The following ADGRL3 variants were observed in gnomAD, a reference collection of about 807,000 sequenced individuals.
ADGRL3 encodes calcium-independent alpha-latrotoxin receptor 3.
ADGRL3 carries 62 observed loss-of-function variants against 153.5 expected under a neutral mutation model. The ratio of observed to expected loss-of-function variants is 0.40; its 90% CI spans 0.33 to 0.50. The LOEUF is 0.50. Among genes scored for constraint, ADGRL3 ranks in the 20% least tolerant of loss-of-function variants. ADGRL3 has a pLI of 0.47. For missense variants in ADGRL3, 1,641 were observed against 1,859.4 expected (o/e 0.88, Z 2.16); for synonymous variants, 710 against 672.5 (o/e 1.06, Z -0.86).
At chr4:61,783,526 T>C (rs1046757237) in intron 8 of ADGRL3, among the ~76,000 whole-genome samples, 1 of 152,070 alleles carries the variant, frequency 6.6e-6, no homozygotes, top group Non-Finnish European at 1.5e-5. Context: ...ATATAAAGCC[T>C]CTCAATGAAG....
chr4:62,060,116 G>A (rs1290168606), intron 25 of ADGRL3, among the ~76,000 whole-genome samples: 3 of 151,862 alleles, frequency 2.0e-5, no homozygotes, highest in African/African-American at 7.3e-5. Flanking sequence ...CCAGAAAGTT[G>A]AGTCATCTGC....
intron 8 of ADGRL3, among the ~76,000 whole-genome samples, chr4:61,792,402 T>C (rs2152438634): frequency 6.6e-6 from 1 of 152,262 alleles, no homozygotes; most frequent in East Asian, 1.9e-4. Flanking sequence ...ACCTTATTCA[T>C]ATCACTATCA....
rs976147495 is a variant in ADGRL3, at chr4:61,417,382, A to C, written c.-174+34193A>C. On this transcript the variant is annotated intron_variant, in intron 2 of 26. Coordinates refer to ENST00000683033, the MANE Select transcript of ADGRL3 (RefSeq NM_001387552.1). ...GTATCTGTGGTCCTTGCTACTTGCA[A>C]CGCTGAGGTGGGAGGATCACTCTTG... Among the ~76,000 whole-genome samples, 4 of 151,958 alleles carry C rather than the reference A, an allele frequency of 2.6e-5. No homozygotes were observed. In the South Asian group the frequency reaches 8.3e-4, roughly 32 times the overall value.
chr4:61,743,461 G>T (rs796433986), intron 8 of ADGRL3, among the ~76,000 whole-genome samples: 2 of 151,930 alleles, frequency 1.3e-5, no homozygotes, highest in African/African-American at 4.8e-5. Flanking sequence ...TTTTTTAAGT[G>T]AGAATGTCTT....
At chr4:61,292,037 A>G (rs566961158) in intron 1 of ADGRL3, among the ~76,000 whole-genome samples, 74 of 151,446 alleles carry the variant, frequency 4.9e-4, no homozygotes, top group Non-Finnish European at 7.8e-4. Context: ...AAAATATTCC[A>G]CATATTATGG....
intron 11 of ADGRL3, chr4:61,906,535 A>G (rs1407208206): frequency 2.0e-5 from 3 of 152,126 alleles, no homozygotes; most frequent in Non-Finnish European, 2.9e-5. Flanking sequence ...TTCTCTTTGT[A>G]TATCTGTGGG....
chr4:61,459,175 T>A (rs1408871044), intron 2 of ADGRL3, among the ~76,000 whole-genome samples: 1 of 151,812 alleles, frequency 6.6e-6, no homozygotes, highest in Non-Finnish European at 1.5e-5. Context: ...TATTCTTGTA[T>A]TCCATTCATT....
chr4:61,284,610 TAGAG>T (rs941361439), intron 1 of ADGRL3, among the ~76,000 whole-genome samples: 10 of 151,932 alleles, frequency 6.6e-5, no homozygotes, highest in African/African-American at 2.4e-4. Flanking sequence ...TAAATGTATG[TAGAG>T]AGTTTTTTAT....
At chr4:62,031,718 A>T in intron 23 of ADGRL3, 108 bp downstream of exon 23, 3 of 729,904 alleles carry the variant, frequency 4.1e-6, no homozygotes, top group South Asian at 2.6e-5. Context: ...TCTACAAGAA[A>T]TAAAGATACT....
intron 6 of ADGRL3, among the ~76,000 whole-genome samples, chr4:61,686,110 G>C (rs969575303): frequency 6.6e-6 from 1 of 152,004 alleles, no homozygotes; most frequent in Non-Finnish European, 1.5e-5. Context: ...TGCTCATTTA[G>C]CTTTATTCAA....
At chr4:61,817,696 C>G (rs138656013) in intron 9 of ADGRL3, among the ~76,000 whole-genome samples, 1 of 152,282 alleles carries the variant, frequency 6.6e-6, no homozygotes, top group African/African-American at 2.4e-5. Context: ...TTAATGGACT[C>G]ACACTTCCAC....
At chr4:61,675,060 G>A (rs2150871337) in intron 5 of ADGRL3, among the ~76,000 whole-genome samples, 1 of 152,004 alleles carries the variant, frequency 6.6e-6, no homozygotes, top group East Asian at 1.9e-4. Context: ...ACCTTTCACT[G>A]ATAACACAGA....
intron 5 of ADGRL3, among the ~76,000 whole-genome samples, chr4:61,631,726 G>A (rs2093176196): frequency 6.6e-6 from 1 of 151,882 alleles, no homozygotes; most frequent in African/African-American, 2.4e-5. Context: ...AATCAGAAAT[G>A]TGACACTTGT....
chr4:61,629,054 A>G (rs1002223174), intron 5 of ADGRL3, among the ~76,000 whole-genome samples: 53 of 152,170 alleles, frequency 3.5e-4, no homozygotes, highest in African/African-American at 1.2e-3. Flanking sequence ...AACAAGTGAG[A>G]CTTTGGTGAG....
chr4:61,678,045 C>A (rs2095250247), intron 6 of ADGRL3, among the ~76,000 whole-genome samples: 1 of 151,862 alleles, frequency 6.6e-6, no homozygotes, highest in Non-Finnish European at 1.5e-5. Context: ...ATGAAAAATC[C>A]TCAGAGTACA....
intron 1 of ADGRL3, among the ~76,000 whole-genome samples, chr4:61,375,359 A>T (rs2096591055): frequency 6.6e-6 from 1 of 152,106 alleles, no homozygotes; most frequent in Non-Finnish European, 1.5e-5. Flanking sequence ...AAAGAAAAGG[A>T]TTTTTTCTTA....
At chr4:61,646,754 G>T (rs2094007523) in intron 5 of ADGRL3, among the ~76,000 whole-genome samples, 1 of 152,182 alleles carries the variant, frequency 6.6e-6, no homozygotes, top group South Asian at 2.1e-4. Flanking sequence ...TGCCCCCAGA[G>T]GTGGAGCCTA....
intron 9 of ADGRL3, among the ~76,000 whole-genome samples, chr4:61,834,417 C>T (rs1320578365): frequency 3.3e-5 from 5 of 152,258 alleles, no homozygotes; most frequent in South Asian, 2.1e-4. Flanking sequence ...CCACAATAAA[C>T]ATACGTGTGC....
At chr4:61,406,847 A>G (rs1297796927) in intron 2 of ADGRL3, among the ~76,000 whole-genome samples, 3 of 152,050 alleles carry the variant, frequency 2.0e-5, no homozygotes, top group Non-Finnish European at 2.9e-5. Context: ...CTTATCTCCT[A>G]TAATGGCTAA....
Sources: gnomAD v4.1 joint callset for allele counts (sites outside exome capture counted in the v4.1 genomes callset) on GRCh38, gnomAD v4.1.1 for gene constraint, MANE v1.5 for transcripts, NCBI Gene and HGNC (gene_info 2026-07-23, HGNC 2026-07-21) for gene names.